CUX1: variants seen among roughly 807,000 people sequenced by gnomAD.
CUX1 encodes the protein cut like homeobox 1, also known as protein CASP.
In CUX1, 31 loss-of-function variants were observed where a neutral mutation model predicts 158.8. The observed-to-expected ratio is 0.20, with a 90% CI of 0.15 to 0.26. The LOEUF (loss-of-function observed/expected upper bound fraction) is 0.26. Ranked by LOEUF, CUX1 falls within the 10% of genes least tolerant of loss-of-function variation. The pLI is 1.00. For missense variants in CUX1, 1,589 were observed against 2,014.6 expected, an observed-to-expected ratio of 0.79 and a Z score of 4.04; for synonymous variants, 879 against 862.1, an observed-to-expected ratio of 1.02 and a Z score of -0.34.
intron 16 of CUX1, among the ~76,000 whole-genome samples, chr7:102,274,501 G>A (rs712840): frequency 0.28 from 42,880 of 152,142 alleles, 6,228 homozygotes; most frequent in East Asian, 0.48. Context: ...CTATAGTCCC[G>A]GCTACTTTGG....
chr7:102,153,347 A>ATAGAGAC (rs1835900807), intron 8 of CUX1: 1 of 152,202 alleles, frequency 6.6e-6, no homozygotes, highest in Non-Finnish European at 1.5e-5. Flanking sequence ...GCCTTTGGCC[A>ATAGAGAC]CTGGCAACAC....
intron 16 of CUX1, among the ~76,000 whole-genome samples, chr7:102,199,133 A>G (rs1795117071): frequency 6.6e-6 from 1 of 152,144 alleles, no homozygotes; most frequent in African/African-American, 2.4e-5. Flanking sequence ...CCCACTTCAG[A>G]TCCTAATTAC....
chr7:101,824,134 C>T (rs1792988124), intron 1 of CUX1, among the ~76,000 whole-genome samples: 1 of 152,214 alleles, frequency 6.6e-6, no homozygotes, highest in South Asian at 2.1e-4. Context: ...GTCGCCCAGC[C>T]TGGAGTGCAG....
intron 2 of CUX1, among the ~76,000 whole-genome samples, chr7:102,022,412 G>A (rs1819481669): frequency 6.6e-6 from 1 of 152,070 alleles, no homozygotes; most frequent in South Asian, 2.1e-4. Flanking sequence ...GAGCCTAGGA[G>A]TTTGAAATCA....
chr7:101,887,441 G>A (rs1800344713), intron 1 of CUX1, among the ~76,000 whole-genome samples: 1 of 151,740 alleles, frequency 6.6e-6, no homozygotes. Context: ...TGAGTAGCTG[G>A]GACTACAAGT....
At chr7:101,988,474 C>T (rs1051102670) in intron 2 of CUX1, among the ~76,000 whole-genome samples, 31 of 152,168 alleles carry the variant, frequency 2.0e-4, no homozygotes, top group Non-Finnish European at 4.1e-4. Flanking sequence ...CTCTTCACCT[C>T]CTGCCACAGA....
intron 2 of CUX1, among the ~76,000 whole-genome samples, chr7:101,963,973 C>G (rs560015059): frequency 3.7e-4 from 57 of 152,232 alleles, no homozygotes; most frequent in South Asian, 6.2e-4. Flanking sequence ...TTAACAGGCC[C>G]TTTACCTATG....
chr7:102,075,992 A>G (rs551550441), intron 4 of CUX1, among the ~76,000 whole-genome samples: 16 of 147,254 alleles, frequency 1.1e-4, no homozygotes, highest in African/African-American at 4.0e-4. Flanking sequence ...CCTCCACCCC[A>G]GCTTATCCCC....
chr7:101,879,028 G>A (rs1027746307), intron 1 of CUX1, among the ~76,000 whole-genome samples: 26 of 152,314 alleles, frequency 1.7e-4, no homozygotes, highest in African/African-American at 5.5e-4. Flanking sequence ...CTGTTAGGGC[G>A]AGAAGCCCAT....
At chr7:102,212,424 C>A (rs1554523407) in intron 20 of CUX1, among the ~76,000 whole-genome samples, 1 of 152,136 alleles carries the variant, frequency 6.6e-6, no homozygotes, top group Non-Finnish European at 1.5e-5. Context: ...AGAACTCGGC[C>A]CCCCAAAGTC....
chr7:102,211,841 C>T (rs1554523258), intron 20 of CUX1, among the ~76,000 whole-genome samples: 1 of 149,196 alleles, frequency 6.7e-6, no homozygotes, highest in African/African-American at 2.5e-5. Flanking sequence ...TGCAAAGGGA[C>T]TGGCTGTGCC....
chr7:101,940,041 C>T (rs1304924101), intron 2 of CUX1, among the ~76,000 whole-genome samples: 1 of 150,348 alleles, frequency 6.7e-6, no homozygotes, highest in East Asian at 2.0e-4. Context: ...GATTGCACCG[C>T]TGCACTCCAG....
chr7:102,113,705 A>G (rs1831170424), intron 7 of CUX1, among the ~76,000 whole-genome samples: 1 of 151,940 alleles, frequency 6.6e-6, no homozygotes, highest in Non-Finnish European at 1.5e-5. Flanking sequence ...CTGCAGGCAA[A>G]CACCACCACA....
chr7:101,994,278 T>C (rs1815527449), intron 2 of CUX1, among the ~76,000 whole-genome samples: 1 of 152,236 alleles, frequency 6.6e-6, no homozygotes, highest in Non-Finnish European at 1.5e-5. Context: ...TTGGAATCTC[T>C]TGGCCAGCTT....
At chr7:102,023,164 G>A (rs552899046) in intron 2 of CUX1, among the ~76,000 whole-genome samples, 10 of 152,064 alleles carry the variant, frequency 6.6e-5, no homozygotes, top group Admixed American at 2.0e-4. Flanking sequence ...GCAGTGAGCC[G>A]AGGTCACGTC....
At chr7:101,880,015 G>C (rs1323827524) in intron 1 of CUX1, among the ~76,000 whole-genome samples, 1 of 152,156 alleles carries the variant, frequency 6.6e-6, no homozygotes, top group Non-Finnish European at 1.5e-5. Context: ...GAGAGGAGGC[G>C]TTTTTGGATC....
chr7:101,937,524 T>G, intron 2 of CUX1, among the ~76,000 whole-genome samples: 1 of 151,486 alleles, frequency 6.6e-6, no homozygotes. Context: ...TTTTTTTTTT[T>G]AATTGAGACA....
intron 2 of CUX1, among the ~76,000 whole-genome samples, chr7:101,984,736 C>T (rs879755577): frequency 2.6e-4 from 40 of 151,970 alleles, no homozygotes; most frequent in African/African-American, 8.9e-4. Context: ...AAAACTCAGT[C>T]GTAAAAAACA....
intron 1 of CUX1, among the ~76,000 whole-genome samples, chr7:101,827,290 C>CTTCTCTTCTCTTCTT (rs1461284975): frequency 1.8e-5 from 2 of 113,922 alleles, no homozygotes; most frequent in African/African-American, 6.6e-5. Flanking sequence ...CTTCTCTTCT[C>CTTCTCTTCTCTTCTT]TTCTTTTCTT....
Sources: gnomAD v4.1 joint callset for allele counts (sites outside exome capture counted in the v4.1 genomes callset) on GRCh38, gnomAD v4.1.1 for gene constraint, MANE v1.5 for transcripts, NCBI Gene and HGNC (gene_info 2026-07-23, HGNC 2026-07-21) for gene names.